Variants in OPCML observed in about 807,000 individuals in gnomAD.
OPCML encodes opioid binding protein/cell adhesion molecule like.
Under a neutral mutation model 37.8 loss-of-function variants are expected in OPCML, and 13 were observed. The observed-to-expected ratio is 0.34, with a 90% CI of 0.22 to 0.55. The LOEUF (loss-of-function observed/expected upper bound fraction) is 0.55, where lower values mean the gene tolerates loss of function less well. OPCML is among the 20% of genes least tolerant of loss of function. The pLI is 0.91. For synonymous variants in OPCML, 176 were observed against 168.8 expected, an observed-to-expected ratio of 1.04 and a Z score of -0.33; for missense variants, 341 against 435.6, an observed-to-expected ratio of 0.78 and a Z score of 1.93.
chr11:132,437,971 A>T (rs888744798), intron 4 of OPCML, among the ~76,000 whole-genome samples: 3 of 152,252 alleles, frequency 2.0e-5, no homozygotes, highest in African/African-American at 7.2e-5. Flanking sequence ...TAGATGCTCA[A>T]TAAGCATTGG....
chr11:132,890,720 G>A (rs1323833760), intron 2 of OPCML, among the ~76,000 whole-genome samples: 1 of 150,594 alleles, frequency 6.6e-6, no homozygotes, highest in Non-Finnish European at 1.5e-5. Flanking sequence ...AGCCAGGCGT[G>A]GTGGTGGGCG....
At chr11:133,454,182 T>C (rs944380985) in intron 1 of OPCML, among the ~76,000 whole-genome samples, 10 of 152,242 alleles carry the variant, frequency 6.6e-5, no homozygotes, top group Non-Finnish European at 1.3e-4. Flanking sequence ...TTCATTTTTG[T>C]TTTGAACCAA....
intron 1 of OPCML, among the ~76,000 whole-genome samples, chr11:133,028,707 A>C (rs1228764861): frequency 6.6e-6 from 1 of 152,128 alleles, no homozygotes; most frequent in Non-Finnish European, 1.5e-5. Context: ...AAAAAAATCA[A>C]CTTAAGATGG....
At chr11:133,260,205 T>C (rs921444078) in intron 1 of OPCML, among the ~76,000 whole-genome samples, 1 of 150,912 alleles carries the variant, frequency 6.6e-6, no homozygotes, top group Non-Finnish European at 1.5e-5. Flanking sequence ...GTGGGAGCCG[T>C]GCATTGGGGC....
At chr11:132,772,962 G>C (rs1385192884) in intron 2 of OPCML, 1 of 152,244 alleles carries the variant, frequency 6.6e-6, no homozygotes, top group Non-Finnish European at 1.5e-5. Flanking sequence ...CCTGGTAATA[G>C]AGCTGTTGTT....
chr11:132,807,383 TTAA>T (rs1234590458), intron 2 of OPCML, among the ~76,000 whole-genome samples: 1 of 152,146 alleles, frequency 6.6e-6, no homozygotes, highest in Admixed American at 6.5e-5. Flanking sequence ...GGAAATAGCA[TTAA>T]TAAGTTATCC....
chr11:132,719,872 T>A (rs1944619587), intron 2 of OPCML, among the ~76,000 whole-genome samples: 1 of 152,172 alleles, frequency 6.6e-6, no homozygotes, highest in Non-Finnish European at 1.5e-5. Flanking sequence ...TTCAGCCTGG[T>A]GTGTCCTCTC....
intron 1 of OPCML, among the ~76,000 whole-genome samples, chr11:133,089,800 G>A (rs564010407): frequency 6.6e-6 from 1 of 151,964 alleles, no homozygotes; most frequent in Non-Finnish European, 1.5e-5. Context: ...GTTTGATAGA[G>A]ACATTGGGGA....
At chr11:132,855,717 T>C (rs1942028262) in intron 2 of OPCML, among the ~76,000 whole-genome samples, 1 of 152,198 alleles carries the variant, frequency 6.6e-6, no homozygotes, top group African/African-American at 2.4e-5. Flanking sequence ...TCAGAGTGCC[T>C]GAGGCAGAAC....
rs74586293 is a variant in OPCML, at chr11:133,029,347, G to A, written c.62-86337C>T. ...GGAACTAAAAATAGAACTACCATTC[G>A]ACCCAGCAAGGCCACTAGTCAGCAT... On this transcript the variant is annotated intron_variant, in intron 1 of 7. Coordinates refer to ENST00000524381, the MANE Select transcript of OPCML (RefSeq NM_001012393.5). Among the ~76,000 whole-genome samples, 226 of 152,234 alleles carry A rather than the reference G, an allele frequency of 1.5e-3. 7 individuals are homozygous for A. In the East Asian group the frequency reaches 0.037, roughly 25 times the overall value.
chr11:132,988,885 G>A (rs530151328), intron 1 of OPCML, among the ~76,000 whole-genome samples: 18 of 152,178 alleles, frequency 1.2e-4, no homozygotes, highest in Non-Finnish European at 2.2e-4. Flanking sequence ...GAAGTGCACA[G>A]CAACACAGTC....
intron 1 of OPCML, among the ~76,000 whole-genome samples, chr11:133,531,800 C>T (rs532190702): frequency 3.8e-4 from 58 of 151,660 alleles, no homozygotes; most frequent in Middle Eastern, 3.4e-3. Context: ...GACAGGGAGG[C>T]GCAGAGATCT....
intron 2 of OPCML, among the ~76,000 whole-genome samples, chr11:132,670,869 G>T (rs1942444610): frequency 6.7e-6 from 1 of 149,810 alleles, no homozygotes; most frequent in South Asian, 2.1e-4. Context: ...ACTTTTCCTA[G>T]TGTTCATCTC....
chr11:132,612,399 G>A (rs1345226582), intron 3 of OPCML, among the ~76,000 whole-genome samples: 2 of 152,070 alleles, frequency 1.3e-5, no homozygotes, highest in Admixed American at 1.3e-4. Context: ...AGACTAAGTG[G>A]CATAATGAGC....
At chr11:133,137,420 A>C (rs964167916) in intron 1 of OPCML, among the ~76,000 whole-genome samples, 8 of 152,188 alleles carry the variant, frequency 5.3e-5, no homozygotes, top group African/African-American at 1.9e-4. Context: ...TTTTCTTCTA[A>C]AGATGTTGAT....
chr11:133,463,763 C>T (rs1313402316), intron 1 of OPCML, among the ~76,000 whole-genome samples: 1 of 151,982 alleles, frequency 6.6e-6, no homozygotes, highest in African/African-American at 2.4e-5. Context: ...TAGTTTAGAC[C>T]TTGGTTCTCC....
chr11:132,860,455 A>C (rs1011627254), intron 2 of OPCML: 1 of 152,206 alleles, frequency 6.6e-6, no homozygotes, highest in African/African-American at 2.4e-5. Flanking sequence ...AGAGAGGGAA[A>C]ATATGATAAC....
At chr11:132,965,729 C>G (rs1478479714) in intron 1 of OPCML, among the ~76,000 whole-genome samples, 1 of 152,116 alleles carries the variant, frequency 6.6e-6, no homozygotes, top group Admixed American at 6.6e-5. Context: ...GAGGGGGTTT[C>G]ACTATGTTGG....
chr11:132,791,533 C>G (rs1012735857), intron 2 of OPCML, among the ~76,000 whole-genome samples: 1 of 152,156 alleles, frequency 6.6e-6, no homozygotes, highest in South Asian at 2.1e-4. Context: ...TTCTGATAAA[C>G]AACTGCACAC....
Sources: gnomAD v4.1 joint callset for allele counts (sites outside exome capture counted in the v4.1 genomes callset) on GRCh38, gnomAD v4.1.1 for gene constraint, MANE v1.5 for transcripts, NCBI Gene and HGNC (gene_info 2026-07-23, HGNC 2026-07-21) for gene names.